The following LPAR3 variants were observed in gnomAD, a reference collection of about 807,000 sequenced individuals.
LPAR3 encodes the protein LPA receptor 3.
In LPAR3, 7 loss-of-function variants were observed where a neutral mutation model predicts 17.8. The observed-to-expected ratio is 0.39, with a 90% confidence interval of 0.22 to 0.74. The LOEUF (loss-of-function observed/expected upper bound fraction) is 0.74, where lower values mean the gene tolerates loss of function less well. Ranked by LOEUF, LPAR3 falls within the 30% of genes least tolerant of loss-of-function variation. LPAR3 has a pLI of 0.40. For missense variants in LPAR3, 391 were observed against 453.4 expected (o/e 0.86, Z 1.25); for synonymous variants, 179 against 179.9 (o/e 0.99, Z 0.04).
At chr1:84,888,675 ATT>A (rs1175403947) in intron 1 of LPAR3, among the ~76,000 whole-genome samples, 1 of 152,186 alleles carries the variant, frequency 6.6e-6, no homozygotes, top group Admixed American at 6.5e-5. Context: ...CACTGCTTTT[ATT>A]TAGACCGCAT....
At chr1:84,816,343 G>A (rs547015002) in intron 2 of LPAR3, among the ~76,000 whole-genome samples, 32 of 152,208 alleles carry the variant, frequency 2.1e-4, no homozygotes, top group Admixed American at 1.6e-3. Context: ...CACAGAATTC[G>A]GCAGTTTCCT....
At chr1:84,887,311 G>A (rs1448405018) in intron 1 of LPAR3, among the ~76,000 whole-genome samples, 1 of 151,774 alleles carries the variant, frequency 6.6e-6, no homozygotes, top group Non-Finnish European at 1.5e-5. Context: ...CAGGAGGTTG[G>A]GGCTGCAGTG....
chr1:84,843,727 T>C (rs1659549349), intron 2 of LPAR3, among the ~76,000 whole-genome samples: 1 of 152,260 alleles, frequency 6.6e-6, no homozygotes, highest in South Asian at 2.1e-4. Flanking sequence ...TGGCATTCTA[T>C]AAAGAAAGTA....
intron 2 of LPAR3, among the ~76,000 whole-genome samples, chr1:84,845,668 A>G (rs1173045394): frequency 6.6e-6 from 1 of 152,200 alleles, no homozygotes; most frequent in Non-Finnish European, 1.5e-5. Context: ...AAACCTTTTT[A>G]TGCACTCCAA....
intron 2 of LPAR3, among the ~76,000 whole-genome samples, chr1:84,852,901 G>A (rs10127852): frequency 0.073 from 11,055 of 152,194 alleles, 488 homozygotes; most frequent in African/African-American, 0.11. Flanking sequence ...TAGTATTAGA[G>A]TAGTATAGGA....
chr1:84,890,693 A>G (rs1660537795), intron 1 of LPAR3, among the ~76,000 whole-genome samples: 1 of 152,226 alleles, frequency 6.6e-6, no homozygotes, highest in Non-Finnish European at 1.5e-5. Context: ...CAGGCCAGAA[A>G]GCATTTGAAC....
intron 2 of LPAR3, among the ~76,000 whole-genome samples, chr1:84,852,424 G>A (rs776543325): frequency 6.6e-6 from 1 of 152,118 alleles, no homozygotes; most frequent in Non-Finnish European, 1.5e-5. Flanking sequence ...GGTTATAGGT[G>A]GTGAGAGAGA....
chr1:84,825,883 C>T (rs1242341769), intron 2 of LPAR3, among the ~76,000 whole-genome samples: 1 of 152,134 alleles, frequency 6.6e-6, no homozygotes, highest in Non-Finnish European at 1.5e-5. Flanking sequence ...AATAAAAGAA[C>T]AAATGTATAA....
chr1:84,893,197 G>T lies in LPAR3; in HGVS notation c.-200C>A, dbSNP rs950324680. ...TCCAGCGACCCCTGCGACGCGTCCA[G>T]AGCCAAAGGAAAGTTTGGCGGTGCG... On this transcript the variant is annotated 5_prime_UTR_variant, in exon 1 of 3. In the 5' UTR this introduces an upstream ATG that the reference lacks. Transcript: ENST00000370611. The T allele has an allele frequency of 1.3e-5, 2 of 152,154 alleles. No individual in the cohort carries two copies. The highest frequency in any genetic ancestry group is 2.9e-5 in the Non-Finnish European group (2 of 68,018). The allele number at this position is 152,154 out of a possible 1,614,324, so 9.4% of individuals were successfully genotyped here.
At chr1:84,870,557 A>T (rs1660140928) in intron 1 of LPAR3, among the ~76,000 whole-genome samples, 1 of 152,232 alleles carries the variant, frequency 6.6e-6, no homozygotes, top group African/African-American at 2.4e-5. Flanking sequence ...GTTTTCAGGT[A>T]CATTACTTAA....
intron 2 of LPAR3, among the ~76,000 whole-genome samples, chr1:84,853,822 A>C (rs1249098684): frequency 1.3e-5 from 2 of 152,156 alleles, no homozygotes; most frequent in African/African-American, 4.8e-5. Flanking sequence ...TCAACACTCA[A>C]GATCCTACAT....
intron 2 of LPAR3, among the ~76,000 whole-genome samples, chr1:84,838,338 C>T (rs1231423194): frequency 6.6e-6 from 1 of 152,128 alleles, no homozygotes; most frequent in East Asian, 1.9e-4. Context: ...TGGTATACTC[C>T]ACCATCTTCT....
At chr1:84,860,727 G>C (rs1446455201) in intron 2 of LPAR3, among the ~76,000 whole-genome samples, 1 of 145,402 alleles carries the variant, frequency 6.9e-6, no homozygotes, top group South Asian at 2.2e-4. Context: ...AGAAACTTTA[G>C]GATTTAATTT....
intron 2 of LPAR3, among the ~76,000 whole-genome samples, chr1:84,850,430 G>GA (rs1268087348): frequency 3.6e-5 from 5 of 137,782 alleles, no homozygotes; most frequent in South Asian, 2.4e-4. Flanking sequence ...AAAAGAAAAA[G>GA]AAAAAAAATA....
chr1:84,864,950 G>T (rs1426095011), intron 2 of LPAR3, among the ~76,000 whole-genome samples: 1 of 151,876 alleles, frequency 6.6e-6, no homozygotes. Flanking sequence ...GCTGGTCAGG[G>T]CTCCTGTGCT....
At chr1:84,816,974 G>A (rs1658943753) in intron 2 of LPAR3, among the ~76,000 whole-genome samples, 1 of 152,078 alleles carries the variant, frequency 6.6e-6, no homozygotes, top group Non-Finnish European at 1.5e-5. Context: ...GACAGTTAAC[G>A]CTTTCTGTCT....
chr1:84,821,945 G>A (rs1281881962), intron 2 of LPAR3, among the ~76,000 whole-genome samples: 1 of 152,138 alleles, frequency 6.6e-6, no homozygotes, highest in African/African-American at 2.4e-5. Flanking sequence ...AGTGTCTGTG[G>A]CTTCTCCAGT....
chr1:84,879,913 A>G (rs931289706), intron 1 of LPAR3, among the ~76,000 whole-genome samples: 2 of 152,226 alleles, frequency 1.3e-5, no homozygotes, highest in South Asian at 4.1e-4. Flanking sequence ...CACGTAGTCC[A>G]TGGACTAGTT....
At chr1:84,837,215 G>A (rs1311174059) in intron 2 of LPAR3, among the ~76,000 whole-genome samples, 1 of 152,068 alleles carries the variant, frequency 6.6e-6, no homozygotes, top group East Asian at 1.9e-4. Context: ...TAGAGACAGG[G>A]TTTCACCATG....
Sources: gnomAD v4.1 joint callset for allele counts (sites outside exome capture counted in the v4.1 genomes callset) on GRCh38, gnomAD v4.1.1 for gene constraint, MANE v1.5 for transcripts, NCBI Gene and HGNC (gene_info 2026-07-23, HGNC 2026-07-21) for gene names.